The following UNC5C variants were observed in gnomAD, a reference collection of about 807,000 sequenced individuals.
UNC5C encodes unc-5 netrin receptor C.
In UNC5C, 47 loss-of-function variants were observed where a neutral mutation model predicts 99.8. That is an observed-to-expected ratio of 0.47 (90% CI 0.37 to 0.60). The LOEUF (loss-of-function observed/expected upper bound fraction) is 0.60. UNC5C is among the 20% of genes least tolerant of loss of function. UNC5C has a pLI of 0.00. For synonymous variants in UNC5C, 487 were observed against 452.2 expected (o/e 1.08, Z -0.98); for missense variants, 1,062 against 1,165.9 (o/e 0.91, Z 1.30).
intron 2 of UNC5C, among the ~76,000 whole-genome samples, chr4:95,323,063 G>A (rs535416753): frequency 6.6e-6 from 1 of 152,142 alleles, no homozygotes; most frequent in African/African-American, 2.4e-5. Context: ...ACAGAAATGA[G>A]GACATATTTA....
intron 14 of UNC5C, among the ~76,000 whole-genome samples, chr4:95,180,088 A>G (rs1287843060): frequency 1.3e-5 from 2 of 152,200 alleles, no homozygotes; most frequent in Non-Finnish European, 2.9e-5. Context: ...AAAAATGGTG[A>G]ACATAGATTA....
intron 4 of UNC5C, among the ~76,000 whole-genome samples, chr4:95,263,202 A>G (rs1740311191): frequency 6.6e-6 from 1 of 152,202 alleles, no homozygotes; most frequent in Non-Finnish European, 1.5e-5. Context: ...TCTGCATTCC[A>G]TTGGATAACT....
chr4:95,415,972 A>G (rs1001302865), intron 1 of UNC5C, among the ~76,000 whole-genome samples: 2 of 151,958 alleles, frequency 1.3e-5, no homozygotes, highest in African/African-American at 2.4e-5. Flanking sequence ...TCATCCCCCA[A>G]TCCCCAACTT....
chr4:95,470,726 G>A (rs1194890796), intron 1 of UNC5C, among the ~76,000 whole-genome samples: 1 of 152,016 alleles, frequency 6.6e-6, no homozygotes, highest in Non-Finnish European at 1.5e-5. Context: ...TATAACTAGA[G>A]GAGGAAAAGA....
chr4:95,334,767 C>T (rs539794527), intron 2 of UNC5C, among the ~76,000 whole-genome samples: 1 of 151,836 alleles, frequency 6.6e-6, no homozygotes, highest in Non-Finnish European at 1.5e-5. Flanking sequence ...GAGTTTTAAC[C>T]AAGCCAGGGG....
chr4:95,223,561 G>A (rs1738556205), intron 7 of UNC5C, among the ~76,000 whole-genome samples: 1 of 152,192 alleles, frequency 6.6e-6, no homozygotes, highest in Non-Finnish European at 1.5e-5. Context: ...AGAGAGCTTT[G>A]CTGTAGCACA....
At chr4:95,462,005 A>G (rs1275424970) in intron 1 of UNC5C, among the ~76,000 whole-genome samples, 1 of 151,878 alleles carries the variant, frequency 6.6e-6, no homozygotes, top group Non-Finnish European at 1.5e-5. Context: ...AGTGATTCCC[A>G]CAATCCTTTC....
At chr4:95,504,218 T>C (rs1431076603) in intron 1 of UNC5C, among the ~76,000 whole-genome samples, 2 of 152,266 alleles carry the variant, frequency 1.3e-5, no homozygotes, top group East Asian at 3.9e-4. Context: ...TTGGCAAATG[T>C]ATTTCATTTT....
chr4:95,359,659 T>A (rs1402377368), intron 1 of UNC5C, among the ~76,000 whole-genome samples: 1 of 152,086 alleles, frequency 6.6e-6, no homozygotes, highest in East Asian at 1.9e-4. Context: ...CCCAAGACTA[T>A]CCATCTGTTT....
intron 1 of UNC5C, among the ~76,000 whole-genome samples, chr4:95,386,588 C>T (rs140625151): frequency 1.3e-5 from 2 of 152,294 alleles, no homozygotes; most frequent in African/African-American, 4.8e-5. Context: ...CTACCTGAAG[C>T]CTTCTGTTCC....
intron 7 of UNC5C, among the ~76,000 whole-genome samples, chr4:95,234,621 C>T (rs141890487): frequency 2.0e-3 from 299 of 152,170 alleles, no homozygotes; most frequent in African/African-American, 6.7e-3. Flanking sequence ...ATTTCTGGCA[C>T]CTTAAGTGAT....
chr4:95,262,816 C>G (rs12649104), intron 4 of UNC5C, among the ~76,000 whole-genome samples: 60,284 of 150,732 alleles, frequency 0.4, 13,878 homozygotes, highest in Middle Eastern at 0.55. Context: ...GTAAGTTTCC[C>G]TATTTTTTTT....
intron 1 of UNC5C, among the ~76,000 whole-genome samples, chr4:95,445,109 T>C (rs1163870960): frequency 2.0e-5 from 3 of 152,190 alleles, no homozygotes; most frequent in Non-Finnish European, 2.9e-5. Flanking sequence ...TCATTATTAG[T>C]TGCCTTTTGC....
At chr4:95,362,636 C>A (rs1035300852) in intron 1 of UNC5C, among the ~76,000 whole-genome samples, 2 of 152,088 alleles carry the variant, frequency 1.3e-5, no homozygotes, top group Non-Finnish European at 2.9e-5. Flanking sequence ...CACTTGCACC[C>A]GCAGGATTCC....
chr4:95,509,514 C>T (rs958533564), intron 1 of UNC5C, among the ~76,000 whole-genome samples: 1 of 151,706 alleles, frequency 6.6e-6, no homozygotes, highest in Non-Finnish European at 1.5e-5. Context: ...AATAAAAAAT[C>T]TGAAGCTTGA....
chr4:95,543,040 G>C (rs1722957017), intron 1 of UNC5C, among the ~76,000 whole-genome samples: 1 of 151,964 alleles, frequency 6.6e-6, no homozygotes, highest in African/African-American at 2.4e-5. Context: ...TTAAAAAACA[G>C]CACCAAGTTT....
intron 1 of UNC5C, among the ~76,000 whole-genome samples, chr4:95,518,313 T>C (rs1011035366): frequency 6.6e-6 from 1 of 152,200 alleles, no homozygotes; most frequent in African/African-American, 2.4e-5. Context: ...CTTGTTCCCT[T>C]TCTTCTAGCA....
intron 1 of UNC5C, among the ~76,000 whole-genome samples, chr4:95,473,002 A>T (rs1748021611): frequency 6.6e-6 from 1 of 152,126 alleles, no homozygotes; most frequent in African/African-American, 2.4e-5. Flanking sequence ...TAAAAAGATC[A>T]CAAATTAGTT....
Position 95,166,476 on chromosome 4 carries a change from A to C in UNC5C, c.*2758T>G, listed in dbSNP as rs540559880. 6.6e-6 allele frequency: 1 copy of C among 152,318 alleles called. No individual in the cohort carries two copies. Among genetic ancestry groups the C allele is most frequent in the Non-Finnish European group, 1.5e-5 (1 of 68,018 alleles). The allele number at this position is 152,318 out of a possible 1,614,324, so 9.4% of individuals were successfully genotyped here. ...CTGGTGGTGGGAAGTTGAACCAAAAAAGCATCTGAAGTGAACCCCAAGGGT... is the reference window on the plus strand; with the variant it reads ...CTGGTGGTGGGAAGTTGAACCAAAACAGCATCTGAAGTGAACCCCAAGGGT... On this transcript the variant is annotated 3_prime_UTR_variant, in exon 16 of 16. Coordinates refer to ENST00000453304, the MANE Select transcript of UNC5C (RefSeq NM_003728.4).
Sources: allele counts gnomAD v4.1 joint callset (sites outside exome capture counted in the v4.1 genomes callset), GRCh38; gene constraint gnomAD v4.1.1; transcripts MANE v1.5; gene names NCBI Gene and HGNC (gene_info 2026-07-23, HGNC 2026-07-21).